Variants in STK33 observed in about 807,000 individuals in gnomAD.
The protein encoded by STK33 is serine/threonine-protein kinase 33.
In STK33, 52 loss-of-function variants were observed where a neutral mutation model predicts 58.0. That is an observed-to-expected ratio of 0.90 (90% CI 0.72 to 1.13). The LOEUF (loss-of-function observed/expected upper bound fraction) is 1.13. Ranked by LOEUF, STK33 falls within the 50% of genes most tolerant of loss-of-function variation. STK33 has a pLI of 0.00. For missense variants in STK33, 630 were observed against 604.2 expected, an observed-to-expected ratio of 1.04 and a Z score of -0.45; for synonymous variants, 215 against 200.1, an observed-to-expected ratio of 1.07 and a Z score of -0.63.
intron 1 of STK33, among the ~76,000 whole-genome samples, chr11:8,525,734 G>T (rs1444576805): frequency 6.6e-6 from 1 of 152,070 alleles, no homozygotes; most frequent in Non-Finnish European, 1.5e-5. Context: ...AAGAATTTCT[G>T]TTCATCAAAG....
intron 12 of STK33, 74 bp downstream of exon 12, chr11:8,440,599 TTTTAA>T (rs1264472904): frequency 8.3e-7 from 1 of 1,204,502 alleles, no homozygotes; most frequent in East Asian, 2.7e-5. Flanking sequence ...TATATATTAG[TTTTAA>T]TTTAAAGTCT....
At chr11:8,499,959 T>C (rs1951386619) in intron 1 of STK33, among the ~76,000 whole-genome samples, 1 of 152,002 alleles carries the variant, frequency 6.6e-6, no homozygotes, top group Non-Finnish European at 1.5e-5. Context: ...TTAGGAGAAA[T>C]ACCTAATGTA....
the STK33 span, among the ~76,000 whole-genome samples, chr11:8,354,516 A>ACACACC: frequency 1.3e-4 from 17 of 127,654 alleles, no homozygotes; most frequent in East Asian, 2.3e-4. Context: ...ACACACACAC[A>ACACACC]CCCCTCAGAC....
chr11:8,489,957 T>C (rs959140037), intron 1 of STK33, among the ~76,000 whole-genome samples: 3 of 152,046 alleles, frequency 2.0e-5, no homozygotes, highest in African/African-American at 4.8e-5. Context: ...CATTCCAAGA[T>C]GGCCGAATAG....
intron 1 of STK33, among the ~76,000 whole-genome samples, chr11:8,512,308 T>A (rs558896132): frequency 6.8e-6 from 1 of 147,586 alleles, no homozygotes; most frequent in East Asian, 2.0e-4. Flanking sequence ...TCGTTCTTGG[T>A]CTTGTGGAAA....
At chr11:8,478,397 CAAATA>C (rs987648972) in intron 2 of STK33, among the ~76,000 whole-genome samples, 2 of 152,108 alleles carry the variant, frequency 1.3e-5, no homozygotes, top group Non-Finnish European at 2.9e-5. Flanking sequence ...ATAATATAAG[CAAATA>C]AAATAAGTTC....
At chr11:8,466,800 A>C (rs1948239677) in intron 6 of STK33, 1 of 152,268 alleles carries the variant, frequency 6.6e-6, no homozygotes, top group African/African-American at 2.4e-5. Context: ...CCCCTGCAGC[A>C]AACTACTGCC....
chr11:8,519,562 T>C (rs955257055), intron 1 of STK33, among the ~76,000 whole-genome samples: 8 of 152,160 alleles, frequency 5.3e-5, no homozygotes, highest in African/African-American at 1.7e-4. Context: ...GAGCTAGATT[T>C]TGGAAATGAT....
the STK33 span, among the ~76,000 whole-genome samples, chr11:8,350,823 C>T: frequency 6.6e-6 from 1 of 152,266 alleles, no homozygotes; most frequent in South Asian, 2.1e-4. Flanking sequence ...TTAGAAATGG[C>T]ACATGCTGTC....
chr11:8,408,297 T>C (rs190552208), intron 15 of STK33, among the ~76,000 whole-genome samples: 116 of 152,326 alleles, frequency 7.6e-4, no homozygotes, highest in Non-Finnish European at 1.4e-3. Context: ...AGAAAGGATA[T>C]GCATAGCATG....
chr11:8,356,931 G>A, the STK33 span, among the ~76,000 whole-genome samples: 1 of 152,188 alleles, frequency 6.6e-6, no homozygotes, highest in Non-Finnish European at 1.5e-5. Context: ...CCCCAAGTTG[G>A]CCCTGAGCTA....
At chr11:8,426,747 G>A (rs1942819462) in intron 14 of STK33, among the ~76,000 whole-genome samples, 1 of 151,312 alleles carries the variant, frequency 6.6e-6, no homozygotes, top group African/African-American at 2.4e-5. Flanking sequence ...ACTTTATTTG[G>A]GTTTACTCTG....
chr11:8,391,568 G>A (rs912860929), downstream of STK33, among the ~76,000 whole-genome samples: 9 of 152,224 alleles, frequency 5.9e-5, no homozygotes, highest in Admixed American at 5.9e-4. Context: ...GGGTTGGAAT[G>A]GAACTAGGTT....
At chr11:8,485,193 G>A (rs1950115631) in intron 1 of STK33, among the ~76,000 whole-genome samples, 1 of 152,170 alleles carries the variant, frequency 6.6e-6, no homozygotes, top group East Asian at 1.9e-4. Context: ...AATTTGGGAA[G>A]TAGAGGTTAT....
In STK33 at chr11:8,440,838, G is replaced by A; in HGVS notation, c.872-85C>T. On this transcript the variant is annotated intron_variant, in intron 11 of 15. Transcript: ENST00000687296. ...TAAACACAAGCATGAAAAATGTGCT[G>A]ATGTGCTGTAATTTATTCCCCCATA... 11 of 1,346,846 alleles carry A rather than the reference G, an allele frequency of 8.2e-6. 1 individual carries two copies. The highest frequency in any genetic ancestry group is 2.5e-4 in the Middle Eastern group (1 of 4,042). 83.4% of individuals were successfully genotyped at this position (1,346,846 alleles called of 1,614,324 possible).
the STK33 span, among the ~76,000 whole-genome samples, chr11:8,336,134 C>T: frequency 6.6e-6 from 1 of 152,244 alleles, no homozygotes; most frequent in Admixed American, 6.5e-5. Context: ...GCTGGCATCC[C>T]GAGCTGGTCC....
intron 1 of STK33, among the ~76,000 whole-genome samples, chr11:8,526,853 T>C (rs1182749145): frequency 7.7e-6 from 1 of 129,160 alleles, no homozygotes; most frequent in African/African-American, 2.9e-5. Flanking sequence ...CAGACAAAAA[T>C]ATAGATACTG....
At chr11:8,358,551 G>A in the STK33 span, among the ~76,000 whole-genome samples, 1 of 152,132 alleles carries the variant, frequency 6.6e-6, no homozygotes, top group Non-Finnish European at 1.5e-5. Context: ...GCTACAGGGC[G>A]CCTGGAGGGT....
chr11:8,544,871 A>G (rs1432548086), intron 1 of STK33, among the ~76,000 whole-genome samples: 3 of 152,194 alleles, frequency 2.0e-5, no homozygotes, highest in African/African-American at 7.2e-5. Context: ...AAATGTTTCT[A>G]TGAGAAATAA....
Sources: allele counts gnomAD v4.1 joint callset (sites outside exome capture counted in the v4.1 genomes callset), GRCh38; gene constraint gnomAD v4.1.1; transcripts MANE v1.5; gene names NCBI Gene and HGNC (gene_info 2026-07-23, HGNC 2026-07-21).